Variants in PTPN5 observed in about 807,000 individuals in gnomAD.
The protein encoded by PTPN5 is tyrosine-protein phosphatase non-receptor type 5.
PTPN5 carries 29 observed loss-of-function variants against 73.9 expected under a neutral mutation model. The observed-to-expected ratio is 0.39, with a 90% CI of 0.29 to 0.54. The LOEUF is 0.54. PTPN5 is among the 20% of genes least tolerant of loss of function. The probability of loss-of-function intolerance (pLI) is 0.65; values close to 1 mark genes in which losing one functional copy is unlikely to be tolerated. For missense variants in PTPN5, 652 were observed against 751.4 expected, an observed-to-expected ratio of 0.87 and a Z score of 1.55; for synonymous variants, 267 against 304.7, an observed-to-expected ratio of 0.88 and a Z score of 1.29.
At chr11:18,746,603 T>C (rs1849654346) in intron 3 of PTPN5, among the ~76,000 whole-genome samples, 1 of 152,036 alleles carries the variant, frequency 6.6e-6, no homozygotes, top group Admixed American at 6.6e-5. Context: ...TTAATTCTTG[T>C]CTTCAAAAGG....
intron 1 of PTPN5, among the ~76,000 whole-genome samples, chr11:18,785,939 C>T (rs755345170): frequency 5.9e-5 from 9 of 152,198 alleles, no homozygotes; most frequent in African/African-American, 1.9e-4. Context: ...GTGGATCTCC[C>T]GCATCTGGTG....
intron 3 of PTPN5, among the ~76,000 whole-genome samples, chr11:18,762,544 T>C (rs1312215726): frequency 2.0e-5 from 3 of 152,176 alleles, no homozygotes; most frequent in African/African-American, 4.8e-5. Flanking sequence ...CTATTCACAA[T>C]GTCAAACCAT....
rs778491454 is a variant in PTPN5, at chr11:18,732,667, C to A, written c.1254G>T (p.Ala418=). The stretch of plus-strand genomic sequence containing the variant: ...GCACAGTGATCTCAACACCGTCGTA[C>A]GCCACCTGCTCCTCCGGCCAATACT... The part of the protein sequence containing the change: ...CTEYWPEEQV[A]YDGVEITVQK... The change falls in exon 12 of 15, where the codon GCG becomes GCT. Residue 418 remains alanine (A), a synonymous_variant. Coordinates refer to ENST00000358540, the MANE Select transcript of PTPN5 (RefSeq NM_006906.2). The A allele has an allele frequency of 8.7e-6, 14 of 1,613,818 alleles. No homozygotes were observed. The highest frequency in any genetic ancestry group is 3.4e-6 in the Non-Finnish European group (4 of 1,180,036).
At chr11:18,775,015 A>T (rs1021534990) in intron 1 of PTPN5, among the ~76,000 whole-genome samples, 5 of 152,212 alleles carry the variant, frequency 3.3e-5, no homozygotes, top group Admixed American at 6.5e-5. Flanking sequence ...TCACTACTGC[A>T]CCCGGACCAC....
chr11:18,728,719 G>T lies in PTPN5; in HGVS notation c.*215C>A. ...GCCCCGGGGCCCCAGGCCTGGCCTG[G>T]CATGTCCCTTCCCGACCCTGCCCCC... On this transcript the variant is annotated 3_prime_UTR_variant, in exon 15 of 15. Transcript: ENST00000358540. The surrounding 1 kb of genome is among the most constrained non-coding windows in gnomAD (Gnocchi z 4.1). 3.9e-6 allele frequency: 2 copies of T among 507,976 alleles called. No individual in the cohort carries two copies. The highest frequency in any genetic ancestry group is 5.7e-5 in the South Asian group (2 of 34,966). The allele number at this position is 507,976 out of a possible 1,614,324, so 31.5% of individuals were successfully genotyped here.
intron 5 of PTPN5, 75 bp from the exon 6 acceptor site, chr11:18,743,150 C>T: frequency 7.8e-7 from 1 of 1,279,656 alleles, no homozygotes; most frequent in South Asian, 1.3e-5. Flanking sequence ...ATGACAAAAC[C>T]AAGATTCTGA....
chr11:18,771,659 T>C (rs1023113328), intron 2 of PTPN5, among the ~76,000 whole-genome samples: 1 of 152,118 alleles, frequency 6.6e-6, no homozygotes, highest in Admixed American at 6.5e-5. Context: ...GGTCTCAGGG[T>C]TGGTAGCTTT....
At chr11:18,753,311 C>T (rs773462732) in intron 3 of PTPN5, among the ~76,000 whole-genome samples, 3 of 152,158 alleles carry the variant, frequency 2.0e-5, no homozygotes, top group Non-Finnish European at 4.4e-5. Context: ...GTGTGATCTT[C>T]GGCATCCATC....
intron 3 of PTPN5, chr11:18,749,488 T>TGGG: frequency 2.7e-6 from 1 of 373,912 alleles, no homozygotes; most frequent in Admixed American, 2.5e-5. Flanking sequence ...CGGGGGAGGG[T>TGGG]GGGGGGCAGA....
intron 3 of PTPN5, among the ~76,000 whole-genome samples, chr11:18,759,135 C>T (rs1226759661): frequency 6.6e-6 from 1 of 152,132 alleles, no homozygotes; most frequent in Admixed American, 6.5e-5. Context: ...GACGCCCGAG[C>T]CCCAGGCACA....
intron 1 of PTPN5, among the ~76,000 whole-genome samples, chr11:18,784,650 G>A (rs915464393): frequency 1.3e-5 from 2 of 152,118 alleles, no homozygotes; most frequent in East Asian, 1.9e-4. Flanking sequence ...GGTAAATTTC[G>A]TGTTATGTGT....
In PTPN5 at chr11:18,744,150, G is replaced by A. The variant is rs963513911; in HGVS notation, c.147C>T (p.Leu49=). The A allele has an allele frequency of 6.2e-7, 1 of 1,601,962 alleles. No homozygotes were observed. Among genetic ancestry groups the A allele is most frequent in the African/African-American group, 1.4e-5 (1 of 74,018 alleles). ...VMEALDEAEG[L]QDSQREMPPP... is the part of the protein sequence containing the mutation. ...GCGGCATCTCTCTCTGTGAGTCCTGGAGCCCTTCAGCCTCGTCCAGTGCCT... is the reference window on the plus strand; with the variant it reads ...GCGGCATCTCTCTCTGTGAGTCCTGAAGCCCTTCAGCCTCGTCCAGTGCCT... The change falls in exon 4 of 15, where the codon CTC becomes CTT. Residue 49 remains leucine (L), a synonymous_variant. Transcript: ENST00000358540.
intron 3 of PTPN5, among the ~76,000 whole-genome samples, chr11:18,754,109 G>C (rs1456298578): frequency 6.6e-6 from 1 of 152,126 alleles, no homozygotes; most frequent in Non-Finnish European, 1.5e-5. Flanking sequence ...GAGATAACAG[G>C]ACCATGCACT....
Position 18,744,187 on chromosome 11 carries a change from G to A in PTPN5, c.110C>T (p.Pro37Leu), listed in dbSNP as rs1456088928. ...CTCGTCCAGTGCCTCCATCACTATC[G>A]GCTGGGGGAGACCTGTGGAAGATGG... is the stretch of plus-strand genomic sequence containing the variant. ...CSERLPGLPQ[P>L]IVMEALDEAE... Residue 37 changes from proline (P) to leucine (L), a missense_variant, in exon 4 of 15, where the codon CCG (proline) becomes CTG (leucine). Around this residue, in one of 3 missense-constraint regions of PTPN5, gnomAD observed 529 missense variants for 573.9 expected, o/e 0.92. Transcript: ENST00000358540. 2 of 1,559,984 alleles carry A rather than the reference G, an allele frequency of 1.3e-6. No homozygotes were observed. Among genetic ancestry groups the A allele is most frequent in the Non-Finnish European group, 1.7e-6 (2 of 1,156,622 alleles).
At chr11:18,740,496 A>C in intron 8 of PTPN5, 107 bp downstream of exon 8, 1 of 1,011,380 alleles carries the variant, frequency 9.9e-7, no homozygotes, top group South Asian at 3.2e-5. Context: ...AAGTGATACT[A>C]ATCTACTGCA....
intron 3 of PTPN5, among the ~76,000 whole-genome samples, chr11:18,745,089 T>A (rs1375195217): frequency 6.6e-6 from 1 of 152,212 alleles, no homozygotes; most frequent in Non-Finnish European, 1.5e-5. Context: ...AGCCCCTGGC[T>A]ATAGCATGGG....
chr11:18,752,208 G>A (rs1849920938), intron 3 of PTPN5, among the ~76,000 whole-genome samples: 1 of 152,160 alleles, frequency 6.6e-6, no homozygotes, highest in African/African-American at 2.4e-5. Flanking sequence ...CTCCAGCCTG[G>A]GTGACAAGCG....
In PTPN5 at chr11:18,777,971, GAAGGAAGA is replaced by G. The variant is rs1223991919; in HGVS notation, c.-113-5908_-113-5901del. Among the ~76,000 whole-genome samples, 599 of 90,218 alleles carry G rather than the reference GAAGGAAGA, an allele frequency of 6.6e-3. 6 individuals carry two copies. The highest frequency in any genetic ancestry group is 0.011 in the Non-Finnish European group (470 of 41,406). The allele number at this position is 90,218 out of a possible 152,430, so 59.2% of individuals were successfully genotyped here. On this transcript the variant is annotated intron_variant, in intron 1 of 14. Transcript: ENST00000358540. ...AAAAGAAAGGAAGAAAGGAAGGAAG[GAAGGAAGA>G]AAGAAAGAAAGAAAGGAAGGAAGGA... is the stretch of plus-strand genomic sequence containing the variant.
At chr11:18,782,510 G>T (rs1375084354) in intron 1 of PTPN5, among the ~76,000 whole-genome samples, 1 of 152,224 alleles carries the variant, frequency 6.6e-6, no homozygotes, top group Non-Finnish European at 1.5e-5. Flanking sequence ...TTACAGGTAT[G>T]AGCCACTGCG....
Sources: allele counts gnomAD v4.1 joint callset (sites outside exome capture counted in the v4.1 genomes callset), GRCh38; gene constraint gnomAD v4.1.1; regional missense constraint gnomAD v4.1.1; non-coding constraint Gnocchi (gnomAD v3.1); transcripts MANE v1.5; gene names NCBI Gene and HGNC (gene_info 2026-07-23, HGNC 2026-07-21).